Variants in CRADD observed in about 807,000 individuals in gnomAD.
The protein encoded by CRADD is death domain-containing protein CRADD.
Under a neutral mutation model 15.5 loss-of-function variants are expected in CRADD, and 9 were observed. That is an observed-to-expected ratio of 0.58 (90% confidence interval 0.35 to 1.01). The LOEUF is 1.01. Ranked by LOEUF, CRADD falls within the 50% of genes least tolerant of loss-of-function variation. The pLI, the probability that CRADD is intolerant of heterozygous loss-of-function variation, is 0.02. For missense variants in CRADD, 227 were observed against 250.3 expected (o/e 0.91, Z 0.63); for synonymous variants, 118 against 107.6 (o/e 1.10, Z -0.60).
downstream of CRADD, among the ~76,000 whole-genome samples, chr12:93,851,695 G>A (rs1958223677): frequency 2.0e-5 from 3 of 152,170 alleles, no homozygotes; most frequent in South Asian, 6.2e-4. Context: ...GCTTTAAAAT[G>A]GGATTTGATT....
intron 2 of CRADD, among the ~76,000 whole-genome samples, chr12:93,878,595 C>T (rs1004888918): frequency 2.0e-5 from 3 of 151,912 alleles, no homozygotes; most frequent in South Asian, 2.1e-4. Flanking sequence ...CCTAGACTGC[C>T]TTTTAAGTTT....
At chr12:93,844,379 A>G (rs932655571) in intron 2 of CRADD, among the ~76,000 whole-genome samples, 10 of 152,142 alleles carry the variant, frequency 6.6e-5, no homozygotes, top group Admixed American at 5.2e-4. Flanking sequence ...ACTGTCCCTG[A>G]TAGAGGTCAG....
chr12:93,717,685 T>C (rs919128477), intron 2 of CRADD, among the ~76,000 whole-genome samples: 2 of 152,064 alleles, frequency 1.3e-5, no homozygotes, highest in African/African-American at 4.8e-5. Context: ...CACATCTGGG[T>C]AATTTTTGTA....
chr12:93,684,083 C>G (rs1288686423), intron 2 of CRADD, among the ~76,000 whole-genome samples: 2 of 152,182 alleles, frequency 1.3e-5, no homozygotes, highest in Non-Finnish European at 2.9e-5. Flanking sequence ...CATATACTTC[C>G]TAAGGACCTA....
intron 2 of CRADD, among the ~76,000 whole-genome samples, chr12:93,700,449 GAGATGGAGT>G (rs1955817251): frequency 6.6e-6 from 1 of 150,382 alleles, no homozygotes; most frequent in African/African-American, 2.5e-5. Context: ...TTTTTCTTTT[GAGATGGAGT>G]CTGGCTCTGT....
chr12:93,849,947 C>T (rs375756893), intron 2 of CRADD, 23 bp from the exon 3 acceptor site: 21 of 1,432,260 alleles, frequency 1.5e-5, no homozygotes, highest in Admixed American at 1.7e-5. Context: ...CTCATTTCAC[C>T]GGGGTGTCTT....
chr12:93,752,241 A>G (rs757885279), intron 2 of CRADD, among the ~76,000 whole-genome samples: 1 of 152,170 alleles, frequency 6.6e-6, no homozygotes. Flanking sequence ...AGCATAAAGG[A>G]CTGGAGATGC....
intron 2 of CRADD, chr12:93,816,241 G>A (rs1020900943): frequency 1.3e-5 from 2 of 151,964 alleles, no homozygotes; most frequent in African/African-American, 4.8e-5. Flanking sequence ...TTTTGAGATG[G>A]AGTCTTGCTC....
At chr12:93,714,479 C>G (rs1316873492) in intron 2 of CRADD, 1 of 152,204 alleles carries the variant, frequency 6.6e-6, no homozygotes, top group African/African-American at 2.4e-5. Flanking sequence ...ATCTGGTGAA[C>G]AGTGTATCAG....
At chr12:93,748,415 C>T (rs1260246609) in intron 2 of CRADD, among the ~76,000 whole-genome samples, 1 of 152,232 alleles carries the variant, frequency 6.6e-6, no homozygotes, top group African/African-American at 2.4e-5. Flanking sequence ...AGGCGATTCC[C>T]CCCTGCTTCA....
chr12:93,818,852 C>T (rs896266508), intron 2 of CRADD, among the ~76,000 whole-genome samples: 4 of 152,206 alleles, frequency 2.6e-5, no homozygotes, highest in Admixed American at 6.5e-5. Context: ...TCGTGAGAGG[C>T]GGCCTGGCCC....
At chr12:93,797,380 A>T (rs1168867283) in intron 2 of CRADD, among the ~76,000 whole-genome samples, 1 of 152,130 alleles carries the variant, frequency 6.6e-6, no homozygotes, top group Non-Finnish European at 1.5e-5. Context: ...TCAGGGGGTG[A>T]ACTTGGAGAT....
chr12:93,719,762 T>C (rs1592925177), intron 2 of CRADD, among the ~76,000 whole-genome samples: 2 of 152,152 alleles, frequency 1.3e-5, no homozygotes, highest in East Asian at 3.9e-4. Flanking sequence ...ATCCTTTTAA[T>C]GTTCATGGGA....
chr12:93,829,215 G>A (rs117489926), intron 2 of CRADD, among the ~76,000 whole-genome samples: 2,614 of 151,874 alleles, frequency 0.017, 39 homozygotes, highest in Non-Finnish European at 0.026. Context: ...ACAGACACAT[G>A]GGAGGGTTTG....
intron 2 of CRADD, chr12:93,830,980 G>C (rs963156836): frequency 6.6e-6 from 1 of 152,162 alleles, no homozygotes; most frequent in African/African-American, 2.4e-5. Context: ...TCTGTCTTCA[G>C]GGTGCCATTG....
At chr12:93,716,653 C>A (rs1238374980) in intron 2 of CRADD, among the ~76,000 whole-genome samples, 1 of 152,180 alleles carries the variant, frequency 6.6e-6, no homozygotes, top group Non-Finnish European at 1.5e-5. Flanking sequence ...AGATTGGCTT[C>A]TTTTACTTGG....
chr12:93,882,547 G>A (rs1398461941), intron 2 of CRADD, among the ~76,000 whole-genome samples: 1 of 151,468 alleles, frequency 6.6e-6, no homozygotes, highest in African/African-American at 2.4e-5. Flanking sequence ...GTATATAAAA[G>A]ATTTGTATGG....
rs950552076 is a variant in CRADD at position 93,741,956 on chromosome 12, C to G, written c.298+62884C>G. 3.3e-5 allele frequency among the ~76,000 whole-genome samples: 5 copies of G among 152,298 alleles called. No homozygotes were observed. The East Asian group carries it at 9.6e-4, about 29-fold the overall frequency. On this transcript the variant is annotated intron_variant, in intron 2 of 2. Transcript: ENST00000332896. ...TATGCTCCACCGCGTCTCCTCTACA[C>G]GCCATGATCTTTGTTATCTGATTTG...
chr12:93,845,727 C>A (rs1239488796), intron 2 of CRADD, among the ~76,000 whole-genome samples: 3 of 152,078 alleles, frequency 2.0e-5, no homozygotes, highest in Non-Finnish European at 4.4e-5. Flanking sequence ...GAAACAAAAA[C>A]TCAAGATGTC....
Sources: gnomAD v4.1 joint callset for allele counts (sites outside exome capture counted in the v4.1 genomes callset) on GRCh38, gnomAD v4.1.1 for gene constraint, MANE v1.5 for transcripts, NCBI Gene and HGNC (gene_info 2026-07-23, HGNC 2026-07-21) for gene names.